TAF3: variants seen among roughly 807,000 people sequenced by gnomAD.
TAF3 encodes the protein transcription initiation factor TFIID subunit 3.
A neutral mutation model predicts 80.6 loss-of-function variants in TAF3; 7 were observed. That is an observed-to-expected ratio of 0.09 (90% CI 0.05 to 0.16). TAF3 has a LOEUF of 0.16. Ranked by LOEUF, TAF3 falls within the 10% of genes least tolerant of loss-of-function variation. TAF3 has a pLI of 1.00. For missense variants in TAF3, 921 were observed against 1,140.2 expected, an observed-to-expected ratio of 0.81 and a Z score of 2.77; for synonymous variants, 444 against 446.1, an observed-to-expected ratio of 1.00 and a Z score of 0.06.
intron 2 of TAF3, among the ~76,000 whole-genome samples, chr10:7,878,055 G>A (rs148801102): frequency 6.5e-4 from 99 of 152,104 alleles, no homozygotes; most frequent in African/African-American, 2.0e-3. Flanking sequence ...TGCCTCTGGC[G>A]TGCAAAATAA....
chr10:7,845,866 C>A (rs1193706298), intron 2 of TAF3, among the ~76,000 whole-genome samples: 1 of 150,570 alleles, frequency 6.6e-6, no homozygotes, highest in Non-Finnish European at 1.5e-5. Context: ...CTATTTGTTT[C>A]TTTTCAAATG....
At chr10:8,014,065 T>C (rs1299772207) in intron 6 of TAF3, among the ~76,000 whole-genome samples, 1 of 152,200 alleles carries the variant, frequency 6.6e-6, no homozygotes, top group Non-Finnish European at 1.5e-5. Context: ...GCTTAGCTTA[T>C]CTATCCTTCT....
chr10:7,909,474 G>C (rs892804606), intron 2 of TAF3, among the ~76,000 whole-genome samples: 2 of 152,190 alleles, frequency 1.3e-5, no homozygotes, highest in Non-Finnish European at 2.9e-5. Context: ...ACTTCACTGT[G>C]CCATTGGATA....
At chr10:7,837,937 G>A (rs549553838) in intron 2 of TAF3, among the ~76,000 whole-genome samples, 1 of 152,328 alleles carries the variant, frequency 6.6e-6, no homozygotes, top group East Asian at 1.9e-4. Flanking sequence ...ATGGCTTTCA[G>A]TTGCTAAAAT....
intron 2 of TAF3, among the ~76,000 whole-genome samples, chr10:7,871,435 C>CTTTTTTTTTTTTTTTTTTTTGTTTTTTTT (rs1837264286): frequency 1.4e-5 from 1 of 69,116 alleles, no homozygotes. Flanking sequence ...ATAACTGCTG[C>CTTTTTTTTTTTTTTTTTTTTGTTTTTTTT]TTTTTTTTTT....
At chr10:7,860,433 C>A (rs1282875547) in intron 2 of TAF3, among the ~76,000 whole-genome samples, 1 of 152,080 alleles carries the variant, frequency 6.6e-6, no homozygotes, top group Non-Finnish European at 1.5e-5. Flanking sequence ...CCTCTTCTTT[C>A]CTCCAAAAGT....
At chr10:7,958,856 C>T (rs1225189232) in intron 2 of TAF3, among the ~76,000 whole-genome samples, 2 of 152,228 alleles carry the variant, frequency 1.3e-5, no homozygotes, top group Middle Eastern at 3.4e-3. Context: ...GGCTTTTGGC[C>T]GGGCACGGTG....
At chr10:7,988,364 C>T (rs1334765181) in intron 4 of TAF3, among the ~76,000 whole-genome samples, 3 of 151,782 alleles carry the variant, frequency 2.0e-5, no homozygotes, top group Non-Finnish European at 4.4e-5. Context: ...CCAAGGCAAA[C>T]AGATGAGTTG....
intron 4 of TAF3, among the ~76,000 whole-genome samples, chr10:7,998,257 ATATATATG>A (rs1377470122): frequency 2.0e-5 from 2 of 99,472 alleles, no homozygotes; most frequent in Non-Finnish European, 2.1e-5. Context: ...ATATATATAT[ATATATATG>A]TATATATATA....
chr10:7,881,909 G>T (rs1192228253), intron 2 of TAF3, among the ~76,000 whole-genome samples: 1 of 152,194 alleles, frequency 6.6e-6, no homozygotes, highest in Non-Finnish European at 1.5e-5. Context: ...TTTCACCAGA[G>T]ACTTTATATG....
In TAF3 at chr10:7,885,644, C is replaced by T. The variant is rs533673051; in HGVS notation, c.409+61084C>T. On this transcript the variant is annotated intron_variant, in intron 2 of 6. Transcript: ENST00000344293. The stretch of plus-strand genomic sequence containing the variant: ...CATCTATATTCAATTATCCATGTTT[C>T]TAATTCAAATGCTTCTTTCTGTGCC... Among the ~76,000 whole-genome samples, 23 of 152,320 alleles carry T rather than the reference C, an allele frequency of 1.5e-4. No homozygotes were observed. In the South Asian group the frequency reaches 3.3e-3, roughly 22 times the overall value.
chr10:7,875,260 T>C (rs1837303485), intron 2 of TAF3, among the ~76,000 whole-genome samples: 1 of 152,200 alleles, frequency 6.6e-6, no homozygotes, highest in South Asian at 2.1e-4. Flanking sequence ...GCAGGTAATA[T>C]AAGCATGTGA....
Position 7,838,908 on chromosome 10 carries a change from G to GTTTTTTTTTGT in TAF3, c.409+14357_409+14358insGTTTTTTTTTT, listed in dbSNP as rs1554776010. Among the ~76,000 whole-genome samples, 183 of 101,866 alleles carry GTTTTTTTTTGT rather than the reference G, an allele frequency of 1.8e-3. 1 individual carries two copies. The highest frequency in any genetic ancestry group is 3.0e-3 in the Non-Finnish European group (154 of 51,876). The allele number at this position is 101,866 out of a possible 152,430, so 66.8% of individuals were successfully genotyped here. ...GGGAAGTTGTCTGGAGGCATTGCTT[G>GTTTTTTTTTGT]TTTTTTTTTTTTTTTGGTTTGTTTG... On this transcript the variant is annotated intron_variant, in intron 2 of 6. Coordinates refer to ENST00000344293, the MANE Select transcript of TAF3 (RefSeq NM_031923.4).
At chr10:7,989,546 G>A (rs1003073950) in intron 4 of TAF3, among the ~76,000 whole-genome samples, 5 of 152,138 alleles carry the variant, frequency 3.3e-5, no homozygotes, top group African/African-American at 4.8e-5. Context: ...ACGATATTGC[G>A]TAGTCAAATG....
chr10:7,945,402 CTTTTG>C (rs993318093), intron 2 of TAF3, among the ~76,000 whole-genome samples: 9 of 152,120 alleles, frequency 5.9e-5, no homozygotes, highest in African/African-American at 2.2e-4. Flanking sequence ...TTTTCCAGGT[CTTTTG>C]TTTGTTTGAC....
chr10:7,828,850 A>G (rs970960276), intron 2 of TAF3, among the ~76,000 whole-genome samples: 12 of 151,798 alleles, frequency 7.9e-5, no homozygotes, highest in African/African-American at 2.7e-4. Context: ...CCTGGCCAAC[A>G]TGGTGAAACC....
chr10:7,856,554 A>G (rs1238463885), intron 2 of TAF3, among the ~76,000 whole-genome samples: 1 of 152,194 alleles, frequency 6.6e-6, no homozygotes, highest in African/African-American at 2.4e-5. Context: ...AGGAAGCCTA[A>G]TATCTGAACA....
intron 2 of TAF3, among the ~76,000 whole-genome samples, chr10:7,935,720 A>G (rs549493074): frequency 1.3e-5 from 2 of 152,292 alleles, no homozygotes; most frequent in Admixed American, 1.3e-4. Context: ...GGAATCAGGG[A>G]GAGGCCCTAC....
In TAF3 at chr10:7,964,672, G is replaced by C. The variant is rs748444396; in HGVS notation, c.1162G>C (p.Glu388Gln). The change falls in exon 3 of 7, where the codon GAG becomes CAG. Residue 388 changes from glutamate to glutamine, a missense_variant. Physicochemically the swap from Glu to Gln is conservative, Grantham distance 29. Around this residue, in one of 6 missense-constraint regions of TAF3, gnomAD observed 743 missense variants for 821.0 expected, o/e 0.90. Transcript: ENST00000344293. This position sits in a 1 kb window ranked among gnomAD's most constrained non-coding sequence, Gnocchi z 4.1. The part of the protein sequence containing the change: ...KKAVVADKTI[E>Q]ASIDAVIARA... ...GGCTGTGGTAGCAGATAAAACGATT[G>C]AGGCCTCTATCGATGCTGTGATTGC... is the stretch of plus-strand genomic sequence containing the variant. The C allele has an allele frequency of 6.2e-7, 1 of 1,614,204 alleles. No individual in the cohort carries two copies. The highest frequency in any genetic ancestry group is 1.1e-5 in the South Asian group (1 of 91,086).
Sources: gnomAD v4.1 joint callset for allele counts (sites outside exome capture counted in the v4.1 genomes callset) on GRCh38, gnomAD v4.1.1 for gene constraint, gnomAD v4.1.1 regional missense constraint, Gnocchi (gnomAD v3.1) non-coding constraint, MANE v1.5 for transcripts, NCBI Gene and HGNC (gene_info 2026-07-23, HGNC 2026-07-21) for gene names.